The following RALYL variants were observed in gnomAD, a reference collection of about 807,000 sequenced individuals.
The protein encoded by RALYL is RNA-binding Raly-like protein.
RALYL carries 29 observed loss-of-function variants against 35.1 expected under a neutral mutation model. The ratio of observed to expected loss-of-function variants is 0.83; its 90% CI spans 0.61 to 1.13. The LOEUF is 1.13. Ranked by LOEUF, RALYL falls within the 50% of genes most tolerant of loss-of-function variation. The pLI is 0.00. For missense variants in RALYL, 359 were observed against 360.4 expected, an observed-to-expected ratio of 1.00 and a Z score of 0.03; for synonymous variants, 120 against 127.6, an observed-to-expected ratio of 0.94 and a Z score of 0.40.
chr8:84,676,065 T>C (rs188297402), intron 2 of RALYL, among the ~76,000 whole-genome samples: 225 of 152,262 alleles, frequency 1.5e-3, no homozygotes, highest in African/African-American at 5.2e-3. Flanking sequence ...TATATCCAAC[T>C]GTTATTTGTC....
intron 2 of RALYL, among the ~76,000 whole-genome samples, chr8:84,571,914 G>A (rs184839175): frequency 1.1e-3 from 165 of 151,854 alleles, no homozygotes; most frequent in African/African-American, 3.3e-3. Context: ...ATGCATTTTT[G>A]TAGTTTTGAG....
intron 1 of RALYL, among the ~76,000 whole-genome samples, chr8:84,448,520 A>G (rs560310854): frequency 7.2e-5 from 11 of 151,990 alleles, no homozygotes; most frequent in Non-Finnish European, 7.4e-5. Context: ...GTGATGAAAA[A>G]CCTTCATACA....
intron 2 of RALYL, among the ~76,000 whole-genome samples, chr8:84,757,096 T>C (rs1040811529): frequency 6.6e-6 from 1 of 152,114 alleles, no homozygotes; most frequent in African/African-American, 2.4e-5. Flanking sequence ...AATTCCATAT[T>C]TCTCCATGTA....
chr8:84,620,111 T>G (rs1820963188), intron 2 of RALYL, among the ~76,000 whole-genome samples: 1 of 152,100 alleles, frequency 6.6e-6, no homozygotes. Context: ...TGTGGCATTC[T>G]CTGTATTTCC....
Position 84,844,827 on chromosome 8 carries a change from A to G in RALYL, c.366-5153A>G, listed in dbSNP as rs147238580. The stretch of plus-strand genomic sequence containing the variant: ...GTTCGTGTCCTTTGTAGGGACATGG[A>G]TGAAGCTGGAAACCATCATTCCCAG... On this transcript the variant is annotated intron_variant, in intron 4 of 8. Coordinates refer to ENST00000521268, the MANE Select transcript of RALYL (RefSeq NM_173848.7). Among the ~76,000 whole-genome samples, 1,393 of 152,310 alleles carry G rather than the reference A, an allele frequency of 9.1e-3. 12 individuals are homozygous for G. Among genetic ancestry groups the G allele is most frequent in the African/African-American group, 0.032 (1,327 of 41,556 alleles).
chr8:84,837,142 T>A (rs1832187823), intron 4 of RALYL, among the ~76,000 whole-genome samples: 1 of 152,192 alleles, frequency 6.6e-6, no homozygotes, highest in Non-Finnish European at 1.5e-5. Flanking sequence ...GAAGTTCTTA[T>A]TTCAGATTCA....
chr8:84,668,473 A>G (rs564287507), intron 2 of RALYL, among the ~76,000 whole-genome samples: 21 of 152,150 alleles, frequency 1.4e-4, no homozygotes, highest in Non-Finnish European at 5.9e-5. Flanking sequence ...CAGTGATTTA[A>G]AAGTGGAAAG....
At chr8:84,879,501 G>T (rs1841804260) in intron 7 of RALYL, among the ~76,000 whole-genome samples, 1 of 152,034 alleles carries the variant, frequency 6.6e-6, no homozygotes, top group Non-Finnish European at 1.5e-5. Context: ...AGTGAATGGG[G>T]ATTATAGGAC....
At chr8:84,549,611 C>A (rs996435501) in intron 2 of RALYL, among the ~76,000 whole-genome samples, 4 of 152,106 alleles carry the variant, frequency 2.6e-5, no homozygotes, top group African/African-American at 9.7e-5. Flanking sequence ...TGGGAAAGAG[C>A]TAAAATAAGT....
intron 2 of RALYL, among the ~76,000 whole-genome samples, chr8:84,610,688 C>T (rs563422218): frequency 5.9e-5 from 9 of 152,150 alleles, no homozygotes; most frequent in Admixed American, 2.6e-4. Context: ...ATCCTCCTCC[C>T]GCATTTATAA....
chr8:84,900,571 T>A (rs56091577), intron 8 of RALYL, among the ~76,000 whole-genome samples: 8 of 151,710 alleles, frequency 5.3e-5, no homozygotes, highest in Non-Finnish European at 1.2e-4. Context: ...TCCAGCTACC[T>A]GGGAGGTTGA....
intron 1 of RALYL, chr8:84,185,021 C>A: frequency 6.2e-7 from 1 of 1,613,944 alleles, no homozygotes; most frequent in Middle Eastern, 1.7e-4. Flanking sequence ...CGCAGTAGGT[C>A]CTACCCAGCC....
At chr8:84,246,629 A>G (rs557485294) in intron 1 of RALYL, among the ~76,000 whole-genome samples, 1 of 152,264 alleles carries the variant, frequency 6.6e-6, no homozygotes, top group South Asian at 2.1e-4. Context: ...TGGATAAATG[A>G]TCTGAGAAGA....
At position 84,626,039 on chromosome 8, in the gene RALYL, A is replaced by G. The variant is rs549691520; in HGVS notation, c.256+96462A>G. The stretch of plus-strand genomic sequence containing the variant: ...CAAAAATATAGCAGAGTTAGCAAAG[A>G]AAAAAAAGGCTGAAAATGATAAATA... On this transcript the variant is annotated intron_variant, in intron 2 of 8. Transcript: ENST00000521268. Among the ~76,000 whole-genome samples the G allele has an allele frequency of 2.6e-5, 4 of 152,154 alleles. No individual in the cohort carries two copies. In the South Asian group the frequency reaches 8.3e-4, roughly 32 times the overall value.
At chr8:84,497,178 A>G (rs1013460337) in intron 1 of RALYL, among the ~76,000 whole-genome samples, 6 of 152,164 alleles carry the variant, frequency 3.9e-5, no homozygotes, top group Admixed American at 3.3e-4. Context: ...GATAGGCACT[A>G]CAGAATCATA....
rs760480071 is a variant in RALYL at position 84,887,644 on chromosome 8, C to G, written c.726C>G (p.Ile242Met). 6.2e-6 allele frequency: 10 copies of G among 1,612,144 alleles called. No individual in the cohort carries two copies. The highest frequency in any genetic ancestry group is 8.5e-6 in the Non-Finnish European group (10 of 1,178,928). ...KKQLEESLVL[I>M]QEECVSEIAD... ...AATTGGAAGAGAGTCTAGTGCTGAT[C>G]CAAGAGGAATGTGTGTCAGAGATTG... Residue 242 changes from isoleucine (I) to methionine (M), a missense_variant, in exon 8 of 9, where the codon ATC (isoleucine) becomes ATG (methionine). Ile to Met is a conservative substitution (Grantham distance 10). Transcript: ENST00000521268.
intron 2 of RALYL, among the ~76,000 whole-genome samples, chr8:84,602,997 GA>G (rs1482083294): frequency 6.6e-6 from 1 of 152,024 alleles, no homozygotes; most frequent in Non-Finnish European, 1.5e-5. Flanking sequence ...GTTGAGGATT[GA>G]AATGTCCTAG....
At chr8:84,548,112 C>T (rs1030478838) in intron 2 of RALYL, among the ~76,000 whole-genome samples, 6 of 151,986 alleles carry the variant, frequency 3.9e-5, no homozygotes, top group South Asian at 2.1e-4. Context: ...TAATTTATAT[C>T]GTTTAACATT....
Position 84,750,702 on chromosome 8 carries a change from T to A in RALYL, c.257-23877T>A, listed in dbSNP as rs567111425. Among the ~76,000 whole-genome samples the A allele has an allele frequency of 1.2e-4, 19 of 152,172 alleles. No individual in the cohort carries two copies. The South Asian group carries it at 4.0e-3, about 32-fold the overall frequency. On this transcript the variant is annotated intron_variant, in intron 2 of 8. Coordinates refer to ENST00000521268, the MANE Select transcript of RALYL (RefSeq NM_173848.7). The stretch of plus-strand genomic sequence containing the variant: ...TGGGTTATTATGGAAGTGGGACTGA[T>A]GGCTGTATGAGAAGAGGAAGGGAGA...
Sources: allele counts gnomAD v4.1 joint callset (sites outside exome capture counted in the v4.1 genomes callset), GRCh38; gene constraint gnomAD v4.1.1; transcripts MANE v1.5; gene names NCBI Gene and HGNC (gene_info 2026-07-23, HGNC 2026-07-21).